MYRIP: variants seen among roughly 807,000 people sequenced by gnomAD.
MYRIP encodes rab effector MyRIP.
In MYRIP, 49 loss-of-function variants were observed where a neutral mutation model predicts 98.0. That is an observed-to-expected ratio of 0.50 (90% CI 0.40 to 0.63). The LOEUF (loss-of-function observed/expected upper bound fraction) is 0.63. Ranked by LOEUF, MYRIP falls within the 30% of genes least tolerant of loss-of-function variation. MYRIP has a pLI of 0.00. For missense variants in MYRIP, 1,004 were observed against 1,058.2 expected (o/e 0.95, Z 0.71); for synonymous variants, 404 against 409.5 (o/e 0.99, Z 0.16).
chr3:39,964,758 C>T (rs1364742630), intron 2 of MYRIP, among the ~76,000 whole-genome samples: 2 of 152,124 alleles, frequency 1.3e-5, no homozygotes, highest in African/African-American at 4.8e-5. Context: ...TGCTTTGAAG[C>T]ATACTGCAGT....
At chr3:40,000,540 G>T (rs947965476) in intron 2 of MYRIP, among the ~76,000 whole-genome samples, 1 of 152,198 alleles carries the variant, frequency 6.6e-6, no homozygotes, top group Non-Finnish European at 1.5e-5. Flanking sequence ...TACATCTCTT[G>T]AAATGCCCAG....
At chr3:39,873,082 T>A (rs889764797) in intron 1 of MYRIP, among the ~76,000 whole-genome samples, 9 of 152,254 alleles carry the variant, frequency 5.9e-5, no homozygotes, top group Non-Finnish European at 1.3e-4. Context: ...ATTTCTCTGA[T>A]GGCCAGTGAT....
chr3:40,087,793 G>A (rs940164342), intron 3 of MYRIP, among the ~76,000 whole-genome samples: 2 of 152,154 alleles, frequency 1.3e-5, no homozygotes, highest in Non-Finnish European at 2.9e-5. Context: ...GGTGGAGTGG[G>A]GTGGAGTAGG....
chr3:40,128,250 C>T (rs889530555), intron 3 of MYRIP, among the ~76,000 whole-genome samples: 5 of 152,132 alleles, frequency 3.3e-5, no homozygotes, highest in African/African-American at 1.2e-4. Context: ...GGAGAACTGA[C>T]TTATGTACAG....
chr3:39,896,917 C>G (rs1943623208), intron 1 of MYRIP, among the ~76,000 whole-genome samples: 4 of 151,726 alleles, frequency 2.6e-5, no homozygotes, highest in Admixed American at 2.6e-4. Flanking sequence ...ACATCTGTGT[C>G]CTTCCTCATG....
intron 2 of MYRIP, among the ~76,000 whole-genome samples, chr3:39,999,185 A>G (rs1946450566): frequency 6.6e-6 from 1 of 152,214 alleles, no homozygotes; most frequent in South Asian, 2.1e-4. Flanking sequence ...AATGGGTTCT[A>G]ATTAAACTAA....
At chr3:39,996,265 T>A (rs1475815665) in intron 2 of MYRIP, among the ~76,000 whole-genome samples, 17 of 152,038 alleles carry the variant, frequency 1.1e-4, no homozygotes, top group Admixed American at 3.9e-4. Flanking sequence ...AAGACCCATC[T>A]GTGTGCTGTA....
chr3:40,108,233 T>A (rs1338280927), intron 3 of MYRIP, among the ~76,000 whole-genome samples: 1 of 141,560 alleles, frequency 7.1e-6, no homozygotes, highest in Non-Finnish European at 1.6e-5. Flanking sequence ...AAGATGGCAC[T>A]CACTGAAGTG....
At chr3:40,207,590 G>A (rs1433583041) in intron 10 of MYRIP, among the ~76,000 whole-genome samples, 1 of 152,014 alleles carries the variant, frequency 6.6e-6, no homozygotes, top group African/African-American at 2.4e-5. Flanking sequence ...ATTACAAACT[G>A]TCTCAAGTAA....
intron 2 of MYRIP, among the ~76,000 whole-genome samples, chr3:39,987,244 G>A (rs1016153505): frequency 1.3e-5 from 2 of 152,098 alleles, no homozygotes; most frequent in Non-Finnish European, 2.9e-5. Flanking sequence ...ACTTGTGAGC[G>A]AGATCATGTG....
intron 1 of MYRIP, among the ~76,000 whole-genome samples, chr3:39,824,452 AC>A (rs1368842081): frequency 6.6e-6 from 1 of 152,050 alleles, no homozygotes. Flanking sequence ...GGATAGTATG[AC>A]CATTTTAATT....
chr3:39,872,584 G>A (rs1428910475), intron 1 of MYRIP, among the ~76,000 whole-genome samples: 7 of 149,302 alleles, frequency 4.7e-5, no homozygotes, highest in Admixed American at 2.0e-4. Flanking sequence ...GAGAACATGC[G>A]GTGTTTGGTT....
chr3:40,169,253 T>C (rs981739216), intron 7 of MYRIP, among the ~76,000 whole-genome samples: 8 of 152,120 alleles, frequency 5.3e-5, no homozygotes, highest in African/African-American at 1.4e-4. Context: ...GGCACCTCAG[T>C]TGATTGTTCT....
chr3:39,888,508 T>C (rs531596016), intron 1 of MYRIP, among the ~76,000 whole-genome samples: 240 of 151,920 alleles, frequency 1.6e-3, no homozygotes, highest in African/African-American at 5.3e-3. Flanking sequence ...CCCTTCCTTA[T>C]ACCTTATACC....
intron 3 of MYRIP, among the ~76,000 whole-genome samples, chr3:40,124,972 A>G (rs183359762): frequency 5.3e-5 from 8 of 152,282 alleles, no homozygotes; most frequent in African/African-American, 1.7e-4. Context: ...CTGGTCACAT[A>G]TCCTCAGGCA....
At chr3:40,004,804 G>A (rs555857459) in intron 2 of MYRIP, among the ~76,000 whole-genome samples, 9 of 152,200 alleles carry the variant, frequency 5.9e-5, no homozygotes, top group South Asian at 4.1e-4. Context: ...TGTGAATGCC[G>A]TTTCCAAGAG....
intron 2 of MYRIP, among the ~76,000 whole-genome samples, chr3:39,991,447 G>A (rs530658620): frequency 6.6e-6 from 1 of 152,320 alleles, no homozygotes; most frequent in South Asian, 2.1e-4. Context: ...GTGATGTGCT[G>A]ATGTCCATTT....
intron 3 of MYRIP, among the ~76,000 whole-genome samples, chr3:40,138,089 T>C (rs959736438): frequency 6.6e-6 from 1 of 152,264 alleles, no homozygotes; most frequent in African/African-American, 2.4e-5. Context: ...CAGGTCACCA[T>C]AGAATCTCCA....
chr3:40,102,130 T>A (rs1276284678), intron 3 of MYRIP, among the ~76,000 whole-genome samples: 1 of 152,234 alleles, frequency 6.6e-6, no homozygotes, highest in East Asian at 1.9e-4. Context: ...CTCACTAATA[T>A]GTTTCCTGTG....
Sources: allele counts gnomAD v4.1 joint callset (sites outside exome capture counted in the v4.1 genomes callset), GRCh38; gene constraint gnomAD v4.1.1; transcripts MANE v1.5; gene names NCBI Gene and HGNC (gene_info 2026-07-23, HGNC 2026-07-21).